The following COL5A1 variants were observed in gnomAD, a reference collection of about 807,000 sequenced individuals.
The protein encoded by COL5A1 is collagen type V alpha 1 chain.
In COL5A1, 16 loss-of-function variants were observed where a neutral mutation model predicts 263.7. That is an observed-to-expected ratio of 0.06 (90% CI 0.04 to 0.09). The LOEUF (loss-of-function observed/expected upper bound fraction) is 0.09, where lower values mean the gene tolerates loss of function less well. COL5A1 is among the 10% of genes least tolerant of loss of function. The pLI, the probability that COL5A1 is intolerant of heterozygous loss-of-function variation, is 1.00. For synonymous variants in COL5A1, 1,012 were observed against 1,004.5 expected (o/e 1.01, Z -0.14); for missense variants, 2,036 against 2,540.5 (o/e 0.80, Z 4.27).
At chr9:134,733,497 G>T (rs1008701043) in intron 9 of COL5A1, among the ~76,000 whole-genome samples, 3 of 152,302 alleles carry the variant, frequency 2.0e-5, no homozygotes, top group African/African-American at 7.2e-5. Flanking sequence ...CCCCTTTCCA[G>T]TGCTCTCTGG....
chr9:134,783,629 CA>C (rs1170258640), intron 29 of COL5A1, among the ~76,000 whole-genome samples: 5 of 152,192 alleles, frequency 3.3e-5, no homozygotes, highest in African/African-American at 1.2e-4. Context: ...CCAGCTGCCG[CA>C]GTCATCCCCC....
At chr9:134,730,007 T>C (rs1019846747) in intron 6 of COL5A1, among the ~76,000 whole-genome samples, 3 of 152,224 alleles carry the variant, frequency 2.0e-5, no homozygotes, top group Non-Finnish European at 2.9e-5. Flanking sequence ...CTGAGCACGC[T>C]TAGTAACTGG....
chr9:134,709,021 G>C (rs1424855657), intron 4 of COL5A1: 1 of 449,968 alleles, frequency 2.2e-6, no homozygotes, highest in African/African-American at 2.0e-5. Flanking sequence ...GTTGGATTTA[G>C]GGCCCATCCT....
chr9:134,767,199 G>A (rs1836706395), intron 23 of COL5A1, 111 bp from the exon 24 acceptor site: 2 of 1,439,192 alleles, frequency 1.4e-6, no homozygotes, highest in South Asian at 1.1e-5. Context: ...TAGGACCTGG[G>A]TTGGTGCCTG....
chr9:134,684,138 G>C (rs1332725174), intron 1 of COL5A1, among the ~76,000 whole-genome samples: 1 of 152,248 alleles, frequency 6.6e-6, no homozygotes, highest in Non-Finnish European at 1.5e-5. Flanking sequence ...GAGCCTGAGA[G>C]ATGCTCTCCA....
At chr9:134,793,686 G>T (rs1837798856) in intron 32 of COL5A1, among the ~76,000 whole-genome samples, 2 of 152,144 alleles carry the variant, frequency 1.3e-5, no homozygotes, top group Admixed American at 1.3e-4. Context: ...GGCAGCCCGG[G>T]CTCATTCGCA....
At chr9:134,685,578 ATCCATCC>A (rs1261307281) in intron 1 of COL5A1, among the ~76,000 whole-genome samples, 1 of 132,614 alleles carries the variant, frequency 7.5e-6, no homozygotes, top group Non-Finnish European at 1.6e-5. Context: ...TCATCCATCC[ATCCATCC>A]TCCATCCATC....
At chr9:134,719,428 G>A (rs564740030) in intron 4 of COL5A1, among the ~76,000 whole-genome samples, 2 of 152,222 alleles carry the variant, frequency 1.3e-5, no homozygotes, top group South Asian at 2.1e-4. Context: ...GCACGCACAC[G>A]TATGTATGCA....
chr9:134,761,425 G>A (rs1836438232), intron 18 of COL5A1, among the ~76,000 whole-genome samples: 1 of 152,242 alleles, frequency 6.6e-6, no homozygotes, highest in Non-Finnish European at 1.5e-5. Context: ...GCTGCTACAT[G>A]TATGTTCTCC....
intron 1 of COL5A1, among the ~76,000 whole-genome samples, chr9:134,658,411 GC>G (rs1388971635): frequency 6.6e-6 from 1 of 152,162 alleles, no homozygotes; most frequent in Non-Finnish European, 1.5e-5. Context: ...TGCTGGGACA[GC>G]CCTGGGAGGG....
chr9:134,817,642 C>T, intron 53 of COL5A1, 136 bp from the exon 54 acceptor site: 1 of 806,764 alleles, frequency 1.2e-6, no homozygotes, highest in Non-Finnish European at 2.1e-6. Context: ...CCGGCACACC[C>T]TGAGCACCTG....
intron 4 of COL5A1, among the ~76,000 whole-genome samples, chr9:134,720,546 C>T (rs1834415195): frequency 1.3e-5 from 2 of 152,220 alleles, no homozygotes; most frequent in South Asian, 2.1e-4. Flanking sequence ...TCGGGCTGGG[C>T]ATGTCCTCTC....
At chr9:134,646,428 C>G (rs1314731607) in intron 1 of COL5A1, among the ~76,000 whole-genome samples, 1 of 152,144 alleles carries the variant, frequency 6.6e-6, no homozygotes, top group African/African-American at 2.4e-5. Flanking sequence ...CCTCCTCCAC[C>G]TCTGGCTTTA....
Position 134,809,267 on chromosome 9 carries a change from C to A in COL5A1, c.3451C>A (p.Pro1151Thr). Residue 1151 changes from proline to threonine, a missense_variant, in exon 43 of 66, where the codon CCC becomes ACC. By Grantham distance (38) the Pro-to-Thr change is conservative. Coordinates refer to ENST00000371817, the MANE Select transcript of COL5A1 (RefSeq NM_000093.5). ...GLPGPAGPVG[P>T]PGEDGDKGEI... is the part of the protein sequence containing the mutation. ...CCCGGGTCCAGCTGGCCCTGTGGGT[C>A]CCCCTGGAGAAGACGGAGATAAGGT... 5.6e-6 allele frequency: 9 copies of A among 1,608,812 alleles called. No individual in the cohort carries two copies. Among genetic ancestry groups the A allele is most frequent in the South Asian group, 2.2e-5 (2 of 89,826 alleles).
At chr9:134,813,906 G>C in intron 48 of COL5A1, 77 bp from the exon 49 acceptor site, 1 of 1,503,192 alleles carries the variant, frequency 6.7e-7, no homozygotes, top group East Asian at 2.5e-5. Context: ...GGCAGGATTT[G>C]GCAAATGCTT....
In COL5A1 at chr9:134,765,251, A is replaced by C. The variant is rs1046576841; in HGVS notation, c.2035-430A>C. 3.3e-4 allele frequency among the ~76,000 whole-genome samples: 50 copies of C among 152,116 alleles called. 1 individual carries two copies. The highest frequency in any genetic ancestry group is 1.2e-3 in the African/African-American group (49 of 41,414). ...CCTCTGACCCTGTGATATCATAAAA[A>C]CAATCGTATGTCGCTGCGGAGGGGA... On this transcript the variant is annotated intron_variant, in intron 20 of 65. Transcript: ENST00000371817. The surrounding 1 kb of genome is among the most constrained non-coding windows in gnomAD (Gnocchi z 5.1).
At chr9:134,830,298 C>T (rs928896148) in intron 64 of COL5A1, 6 of 963,014 alleles carry the variant, frequency 6.2e-6, no homozygotes, top group Non-Finnish European at 9.5e-6. Flanking sequence ...AACCGCTCCA[C>T]ATCACGTGAC....
At position 134,796,886 on chromosome 9, in the gene COL5A1, A is replaced by G. The variant is rs1244102860; in HGVS notation, c.2883A>G (p.Gly961=). The change falls in exon 36 of 66, where the codon GGA becomes GGG. Residue 961 remains glycine (G), a synonymous_variant. Coordinates refer to ENST00000371817, the MANE Select transcript of COL5A1 (RefSeq NM_000093.5). ...CCCAAGGACCCACAGGATTTCCTGGACCAAAGGGCCCCCCTGTAAGTAATG... is the reference window on the plus strand; with the variant it reads ...CCCAAGGACCCACAGGATTTCCTGGGCCAAAGGGCCCCCCTGTAAGTAATG... ...NGPQGPTGFP[G]PKGPPGPPGK... 4.3e-6 allele frequency: 7 copies of G among 1,613,944 alleles called. No homozygotes were observed. Among genetic ancestry groups the G allele is most frequent in the Non-Finnish European group, 5.9e-6 (7 of 1,179,948 alleles).
At chr9:134,688,533 T>A (rs1833158212) in intron 1 of COL5A1, among the ~76,000 whole-genome samples, 1 of 152,138 alleles carries the variant, frequency 6.6e-6, no homozygotes, top group Non-Finnish European at 1.5e-5. Context: ...ACCAAAGCCT[T>A]CTTTGCTGGG....
Sources: gnomAD v4.1 joint callset for allele counts (sites outside exome capture counted in the v4.1 genomes callset) on GRCh38, gnomAD v4.1.1 for gene constraint, Gnocchi (gnomAD v3.1) non-coding constraint, MANE v1.5 for transcripts, NCBI Gene and HGNC (gene_info 2026-07-23, HGNC 2026-07-21) for gene names.